SNAP23: variants seen among roughly 807,000 people sequenced by gnomAD.
The protein encoded by SNAP23 is synaptosome associated protein 23, also known as synaptosomal-associated protein 23.
In SNAP23, 11 loss-of-function variants were observed where a neutral mutation model predicts 29.0. That is an observed-to-expected ratio of 0.38 (90% CI 0.24 to 0.63). The LOEUF (loss-of-function observed/expected upper bound fraction) is 0.63. Among genes scored for constraint, SNAP23 ranks in the 20% least tolerant of loss-of-function variants. The pLI, the probability that SNAP23 is intolerant of heterozygous loss-of-function variation, is 0.58. For synonymous variants in SNAP23, 60 were observed against 82.9 expected, an observed-to-expected ratio of 0.72 and a Z score of 1.50; for missense variants, 220 against 253.9, an observed-to-expected ratio of 0.87 and a Z score of 0.91.
At chr15:42,521,531 C>T in intron 5 of SNAP23, 1 of 1,493,210 alleles carries the variant, frequency 6.7e-7, no homozygotes, top group East Asian at 2.5e-5. Flanking sequence ...TGCTTCTGTT[C>T]TGTTTGACTG....
At chr15:42,493,542 C>T (rs1309285637), upstream of SNAP23, among the ~76,000 whole-genome samples, 1 of 151,932 alleles carries the variant, frequency 6.6e-6, no homozygotes, top group African/African-American at 2.4e-5. Flanking sequence ...TATCAATGAC[C>T]ATCACAACCC....
At chr15:42,500,389 CTT>C (rs769547908) in intron 1 of SNAP23, among the ~76,000 whole-genome samples, 33 of 138,518 alleles carry the variant, frequency 2.4e-4, no homozygotes, top group Non-Finnish European at 2.3e-4. Context: ...TTTCTTTTCC[CTT>C]TTTTTTTTTT....
At chr15:42,525,451 C>CTTTTCTTTTTTTTTTTTTTTTTTTT (rs2057493013) in intron 5 of SNAP23, among the ~76,000 whole-genome samples, 1 of 47,180 alleles carries the variant, frequency 2.1e-5, no homozygotes, top group African/African-American at 9.0e-5. Context: ...ATCCAGTCTT[C>CTTTTCTTTTTTTTTTTTTTTTTTTT]TTTTTTTTTT....
At chr15:42,494,709 G>A (rs1183295533), upstream of SNAP23, among the ~76,000 whole-genome samples, 1 of 151,912 alleles carries the variant, frequency 6.6e-6, no homozygotes, top group Non-Finnish European at 1.5e-5. Flanking sequence ...TAGAGATGGG[G>A]TTTCTCTATG....
chr15:42,508,771 T>C (rs1384318689), intron 1 of SNAP23, among the ~76,000 whole-genome samples: 1 of 152,138 alleles, frequency 6.6e-6, no homozygotes, highest in Non-Finnish European at 1.5e-5. Context: ...TGACTTGTAA[T>C]TGGCAATAAT....
intron 5 of SNAP23, chr15:42,521,828 C>CA (rs1891372737): frequency 9.5e-6 from 4 of 418,860 alleles, no homozygotes; most frequent in African/African-American, 2.0e-5. Context: ...GGTGCTATCT[C>CA]ACAAAAGATG....
chr15:42,513,543 C>T (rs2057374832), intron 4 of SNAP23, 96 bp downstream of exon 4: 1 of 905,258 alleles, frequency 1.1e-6, no homozygotes, highest in Admixed American at 1.9e-5. Context: ...TTGGGAGAGC[C>T]TTCCCTTTGT....
chr15:42,503,368 ATTTTT>A (rs5812222), intron 1 of SNAP23, among the ~76,000 whole-genome samples: 3 of 116,288 alleles, frequency 2.6e-5, no homozygotes, highest in East Asian at 2.6e-4. Context: ...CGCCTGGCTA[ATTTTT>A]TTTTTTTTTT....
At chr15:42,502,976 T>G (rs1328519367) in intron 1 of SNAP23, among the ~76,000 whole-genome samples, 7 of 152,124 alleles carry the variant, frequency 4.6e-5, no homozygotes, top group Non-Finnish European at 8.8e-5. Flanking sequence ...GTAATTAGAG[T>G]CAGGGTCTTG....
chr15:42,492,452 G>A (rs936617902), upstream of SNAP23, among the ~76,000 whole-genome samples: 2 of 151,844 alleles, frequency 1.3e-5, no homozygotes, highest in Non-Finnish European at 2.9e-5. Context: ...GGACGAGGTG[G>A]GCAGATCATG....
upstream of SNAP23, among the ~76,000 whole-genome samples, chr15:42,495,009 G>T (rs2057204576): frequency 6.6e-6 from 1 of 152,140 alleles, no homozygotes; most frequent in Non-Finnish European, 1.5e-5. Flanking sequence ...GCCTTCTAAA[G>T]CTTTCTTTCC....
At chr15:42,507,929 A>G (rs1294681579) in intron 1 of SNAP23, among the ~76,000 whole-genome samples, 3 of 152,122 alleles carry the variant, frequency 2.0e-5, no homozygotes, top group Non-Finnish European at 4.4e-5. Flanking sequence ...CCGTATCAGC[A>G]GGTTCCACAT....
chr15:42,515,260 G>A lies in SNAP23; in HGVS notation c.172G>A (p.Gly58Ser). The A allele has an allele frequency of 6.2e-7, 1 of 1,610,070 alleles. No individual in the cohort carries two copies. The highest frequency in any genetic ancestry group is 8.5e-7 in the Non-Finnish European group (1 of 1,178,172). The change falls in exon 5 of 8, where the codon GGC becomes AGC. Residue 58 changes from glycine (G) to serine (S), a missense_variant. Coordinates refer to ENST00000249647, the MANE Select transcript of SNAP23 (RefSeq NM_003825.4). ...QKEQLNRIEE[G>S]LDQINKDMRE... Reference sequence around the variant, plus strand: ...AGAACAACTAAACCGCATAGAAGAAGGCTTGGACCAAATAAATAAGGACAT... The same window carrying A: ...AGAACAACTAAACCGCATAGAAGAAAGCTTGGACCAAATAAATAAGGACAT...
chr15:42,520,662 T>G (rs566033911), intron 5 of SNAP23, among the ~76,000 whole-genome samples: 11 of 151,828 alleles, frequency 7.2e-5, no homozygotes, highest in African/African-American at 2.7e-4. Flanking sequence ...ACCTGGCTAA[T>G]TTTTTGTATT....
intron 1 of SNAP23, among the ~76,000 whole-genome samples, chr15:42,500,326 T>C (rs1472434240): frequency 2.0e-5 from 3 of 152,110 alleles, no homozygotes; most frequent in Admixed American, 1.3e-4. Context: ...CATTACTATA[T>C]TTTGTTTCCA....
chr15:42,520,608 C>CCT (rs1045349503), intron 5 of SNAP23, among the ~76,000 whole-genome samples: 2 of 152,150 alleles, frequency 1.3e-5, no homozygotes, highest in African/African-American at 4.8e-5. Context: ...CATTCTCCTG[C>CCT]CTCAGCCTCT....
At chr15:42,499,955 G>A (rs1003386895) in intron 1 of SNAP23, among the ~76,000 whole-genome samples, 22 of 152,004 alleles carry the variant, frequency 1.4e-4, no homozygotes, top group Admixed American at 1.2e-3. Context: ...ACCAGCCTGG[G>A]CAACATGCCA....
At chr15:42,508,276 AAGAAAG>A (rs1435652286) in intron 1 of SNAP23, among the ~76,000 whole-genome samples, 1 of 149,310 alleles carries the variant, frequency 6.7e-6, no homozygotes, top group Admixed American at 6.6e-5. Flanking sequence ...AAAAAAAAAA[AAGAAAG>A]AAAGAAAGAA....
intron 5 of SNAP23, among the ~76,000 whole-genome samples, chr15:42,520,868 T>G (rs1461322584): frequency 6.6e-6 from 1 of 152,270 alleles, no homozygotes; most frequent in African/African-American, 2.4e-5. Context: ...GCACATAGTT[T>G]GAAGACAAAT....
Sources: allele counts gnomAD v4.1 joint callset (sites outside exome capture counted in the v4.1 genomes callset), GRCh38; gene constraint gnomAD v4.1.1; transcripts MANE v1.5; gene names NCBI Gene and HGNC (gene_info 2026-07-23, HGNC 2026-07-21).